The following KIAA0825 variants were observed in gnomAD, a reference collection of about 807,000 sequenced individuals.
KIAA0825 encodes the protein uncharacterized protein KIAA0825.
Under a neutral mutation model 147.6 loss-of-function variants are expected in KIAA0825, and 119 were observed. The observed-to-expected ratio is 0.81, with a 90% CI of 0.69 to 0.94. The LOEUF (loss-of-function observed/expected upper bound fraction) is 0.94, where lower values mean the gene tolerates loss of function less well. Among genes scored for constraint, KIAA0825 ranks in the 40% least tolerant of loss-of-function variants. The pLI, the probability that KIAA0825 is intolerant of heterozygous loss-of-function variation, is 0.00. For missense variants in KIAA0825, 1,381 were observed against 1,472.7 expected (o/e 0.94, Z 1.02); for synonymous variants, 470 against 518.1 (o/e 0.91, Z 1.26).
intron 5 of KIAA0825, among the ~76,000 whole-genome samples, chr5:94,518,922 C>A (rs1000076110): frequency 7.9e-5 from 12 of 151,774 alleles, no homozygotes; most frequent in Non-Finnish European, 1.5e-4. Context: ...ATAAAACTTT[C>A]GTATTGAAAA....
At chr5:94,577,181 T>C (rs1781213563) in intron 2 of KIAA0825, among the ~76,000 whole-genome samples, 1 of 152,226 alleles carries the variant, frequency 6.6e-6, no homozygotes, top group Non-Finnish European at 1.5e-5. Flanking sequence ...GAGACATTTA[T>C]GATCATTTTA....
rs1750423187 is a variant in KIAA0825, at chr5:94,394,864, C to T, written c.3296+1237G>A. Among the ~76,000 whole-genome samples, 3 of 152,214 alleles carry T rather than the reference C, an allele frequency of 2.0e-5. No homozygotes were observed. The South Asian group carries it at 6.2e-4, about 32-fold the overall frequency. On this transcript the variant is annotated intron_variant, in intron 17 of 20. Coordinates refer to ENST00000682413, the MANE Select transcript of KIAA0825 (RefSeq NM_001145678.3). ...CCTGAATGCTATTGTTATTGCCACC[C>T]ATGGGACACTCCAGAAGTACATTTC...
intron 12 of KIAA0825, among the ~76,000 whole-genome samples, chr5:94,455,951 T>C (rs149393475): frequency 1.9e-3 from 285 of 152,202 alleles, no homozygotes; most frequent in African/African-American, 6.6e-3. Context: ...AGAGTCTGGA[T>C]ACAGCCCAAG....
At chr5:94,569,544 C>T in intron 2 of KIAA0825, 1 of 409,574 alleles carries the variant, frequency 2.4e-6, no homozygotes, top group Non-Finnish European at 4.5e-6. Flanking sequence ...ACACTAATGA[C>T]CCCAACACGC....
intron 20 of KIAA0825, among the ~76,000 whole-genome samples, chr5:94,283,182 T>C (rs1464201840): frequency 6.6e-6 from 1 of 152,110 alleles, no homozygotes; most frequent in Non-Finnish European, 1.5e-5. Flanking sequence ...ACATTTTGGA[T>C]GAGTAATAAT....
At chr5:94,540,462 T>C (rs904421447) in intron 2 of KIAA0825, among the ~76,000 whole-genome samples, 2 of 152,216 alleles carry the variant, frequency 1.3e-5, no homozygotes, top group African/African-American at 4.8e-5. Context: ...TGGCAGTACT[T>C]TCTCTTGGTC....
intron 20 of KIAA0825, among the ~76,000 whole-genome samples, chr5:94,260,218 T>C (rs1031374636): frequency 2.0e-5 from 3 of 152,094 alleles, no homozygotes; most frequent in Non-Finnish European, 4.4e-5. Flanking sequence ...GGGAAGTGTA[T>C]TAGAGACAAA....
At chr5:94,499,654 A>G (rs953402111) in intron 5 of KIAA0825, among the ~76,000 whole-genome samples, 2 of 150,390 alleles carry the variant, frequency 1.3e-5, no homozygotes, top group Non-Finnish European at 3.0e-5. Flanking sequence ...AATATTTTTT[A>G]AATAGTTGAG....
intron 20 of KIAA0825, among the ~76,000 whole-genome samples, chr5:94,276,355 T>C (rs1197285551): frequency 1.3e-5 from 2 of 152,176 alleles, no homozygotes; most frequent in African/African-American, 4.8e-5. Context: ...TGGTTTTCTT[T>C]TTTTAACTAA....
chr5:94,228,807 C>G (rs1463935594), intron 20 of KIAA0825, among the ~76,000 whole-genome samples: 3 of 152,148 alleles, frequency 2.0e-5, no homozygotes, highest in Non-Finnish European at 4.4e-5. Flanking sequence ...TTCAGTACAT[C>G]AACAAATATA....
chr5:94,333,672 C>T (rs913238461), intron 20 of KIAA0825, among the ~76,000 whole-genome samples: 1 of 152,100 alleles, frequency 6.6e-6, no homozygotes, highest in Non-Finnish European at 1.5e-5. Context: ...ATGCCTCTAG[C>T]TTTGTTCTTT....
At chr5:94,208,127 A>G (rs1486768209) in intron 20 of KIAA0825, among the ~76,000 whole-genome samples, 1 of 152,218 alleles carries the variant, frequency 6.6e-6, no homozygotes, top group Admixed American at 6.6e-5. Flanking sequence ...AAGACTTAGA[A>G]TATCAACAAA....
At chr5:94,425,976 T>C (rs1323595460) in intron 14 of KIAA0825, among the ~76,000 whole-genome samples, 1 of 151,766 alleles carries the variant, frequency 6.6e-6, no homozygotes, top group Non-Finnish European at 1.5e-5. Flanking sequence ...GCCTTCCAAG[T>C]AGCTGGGACT....
chr5:94,203,675 C>T (rs1252011615), intron 20 of KIAA0825, among the ~76,000 whole-genome samples: 2 of 152,102 alleles, frequency 1.3e-5, no homozygotes, highest in Admixed American at 1.3e-4. Context: ...AAATGGAAGA[C>T]TGCCCATTTA....
chr5:94,262,029 A>G (rs1304186503), intron 20 of KIAA0825, among the ~76,000 whole-genome samples: 1 of 152,168 alleles, frequency 6.6e-6, no homozygotes, highest in Non-Finnish European at 1.5e-5. Context: ...AAAATACCCC[A>G]ATAAAATAAA....
chr5:94,202,103 T>A (rs1771755124), intron 20 of KIAA0825, among the ~76,000 whole-genome samples: 1 of 152,188 alleles, frequency 6.6e-6, no homozygotes, highest in Non-Finnish European at 1.5e-5. Flanking sequence ...AACAAGGAAG[T>A]GCACAGATGG....
At chr5:94,542,166 G>C (rs1322574071) in intron 2 of KIAA0825, among the ~76,000 whole-genome samples, 1 of 152,138 alleles carries the variant, frequency 6.6e-6, no homozygotes, top group South Asian at 2.1e-4. Flanking sequence ...TAACTTTGGA[G>C]ACTGTGACAT....
chr5:94,377,317 A>T (rs766712194), intron 20 of KIAA0825, among the ~76,000 whole-genome samples: 1 of 152,232 alleles, frequency 6.6e-6, no homozygotes, highest in Admixed American at 6.5e-5. Flanking sequence ...ATAGCACAGC[A>T]CTGCGCTGTA....
chr5:94,151,291 C>A lies in KIAA0825; in HGVS notation c.*2716G>T, dbSNP rs1443609639. ...AAGTAGCCGGGCGCGGTGGCGGGCG[C>A]CTGTAGTCCCAGCTACTCGGGAGGC... On this transcript the variant is annotated 3_prime_UTR_variant, in exon 21 of 21. Coordinates refer to ENST00000682413, the MANE Select transcript of KIAA0825 (RefSeq NM_001145678.3). Among the ~76,000 whole-genome samples, 3 of 150,886 alleles carry A rather than the reference C, an allele frequency of 2.0e-5. No homozygotes were observed. The highest frequency in any genetic ancestry group is 4.4e-5 in the Non-Finnish European group (3 of 67,652).
Sources: allele counts gnomAD v4.1 joint callset (sites outside exome capture counted in the v4.1 genomes callset), GRCh38; gene constraint gnomAD v4.1.1; transcripts MANE v1.5; gene names NCBI Gene and HGNC (gene_info 2026-07-23, HGNC 2026-07-21).